USP2: variants seen among roughly 807,000 people sequenced by gnomAD.
The protein encoded by USP2 is ubiquitin specific peptidase 2, also known as ubiquitin carboxyl-terminal hydrolase 2.
Under a neutral mutation model 72.0 loss-of-function variants are expected in USP2, and 33 were observed. The ratio of observed to expected loss-of-function variants is 0.46; its 90% CI spans 0.35 to 0.61. The LOEUF (loss-of-function observed/expected upper bound fraction) is 0.61, where lower values mean the gene tolerates loss of function less well. USP2 is among the 20% of genes least tolerant of loss of function. USP2 has a pLI of 0.01. For synonymous variants in USP2, 296 were observed against 312.5 expected (o/e 0.95, Z 0.56); for missense variants, 691 against 797.8 (o/e 0.87, Z 1.61).
intron 2 of USP2, among the ~76,000 whole-genome samples, chr11:119,370,549 C>T (rs766403022): frequency 1.9e-4 from 29 of 152,184 alleles, no homozygotes; most frequent in Non-Finnish European, 3.8e-4. Flanking sequence ...TGGTCCAGGC[C>T]GCACGAGCAG....
chr11:119,372,651 T>G, intron 2 of USP2, 56 bp downstream of exon 2: 1 of 1,479,602 alleles, frequency 6.8e-7, no homozygotes, highest in Non-Finnish European at 9.0e-7. Context: ...AGCCTGGCTG[T>G]TCTCCATCAG....
intron 2 of USP2, among the ~76,000 whole-genome samples, chr11:119,361,823 T>G (rs1349220330): frequency 1.3e-5 from 2 of 152,020 alleles, no homozygotes; most frequent in Non-Finnish European, 2.9e-5. Context: ...GATATAAGCA[T>G]CCTTAGAGAA....
In USP2 at chr11:119,373,263, T is replaced by C. The variant is rs779194824; in HGVS notation, c.218A>G (p.Asp73Gly). 1 of 1,613,808 alleles carries C rather than the reference T, an allele frequency of 6.2e-7. No individual in the cohort carries two copies. Among genetic ancestry groups the C allele is most frequent in the Non-Finnish European group, 8.5e-7 (1 of 1,179,854 alleles). The part of the protein sequence containing the change: ...PRTYGPSSLL[D>G]YDRGRPLLRP... ...CAGCAGGGGGCGGCCCCGGTCATAGTCCAGGAGGGAGGAGGGGCCATAGGT... is the reference window on the plus strand; with the variant it reads ...CAGCAGGGGGCGGCCCCGGTCATAGCCCAGGAGGGAGGAGGGGCCATAGGT... The change falls in exon 2 of 13, where the codon GAC becomes GGC. Residue 73 changes from aspartate (D) to glycine (G), a missense_variant. Asp to Gly is a moderately conservative substitution (Grantham distance 94). Transcript: ENST00000260187.
In USP2 at chr11:119,357,756, C is replaced by T. The variant is rs755216327; in HGVS notation, c.1501+1G>A. The T allele has an allele frequency of 8.1e-6, 13 of 1,613,556 alleles. No individual in the cohort carries two copies. The highest frequency in any genetic ancestry group is 5.0e-5 in the Admixed American group (3 of 60,002). On this transcript the variant is annotated splice_donor_variant, in intron 10 of 12. Coordinates refer to ENST00000260187, the MANE Select transcript of USP2 (RefSeq NM_004205.5). LOFTEE classifies it high-confidence loss of function. ...CCAGCCCTGATGGATCTTAAGGATACGGAGCACCAAGATCTTTGGGAACCT... is the reference window on the plus strand; with the variant it reads ...CCAGCCCTGATGGATCTTAAGGATATGGAGCACCAAGATCTTTGGGAACCT...
rs1284043653 is a variant in USP2, at chr11:119,356,803, C to A, written c.*32G>T. 3.3e-6 allele frequency: 5 copies of A among 1,529,260 alleles called. No individual in the cohort carries two copies. The highest frequency in any genetic ancestry group is 1.2e-5 in the South Asian group (1 of 81,438). The allele number at this position is 1,529,260 out of a possible 1,614,324, so 94.7% of individuals were successfully genotyped here. On this transcript the variant is annotated 3_prime_UTR_variant, in exon 13 of 13. Transcript: ENST00000260187. ...AAAAATTTAGGGAGCGGGGCCACCACGGGGAAGGGAGAAGGGACGTGGCTC... is the reference window on the plus strand; with the variant it reads ...AAAAATTTAGGGAGCGGGGCCACCAAGGGGAAGGGAGAAGGGACGTGGCTC...
Position 119,357,241 on chromosome 11 carries a change from G to C in USP2, c.1676C>G (p.Thr559Arg), listed in dbSNP as rs1262044091. The change falls in exon 12 of 13, where the codon ACA becomes AGA. Residue 559 changes from threonine to arginine, a missense_variant. Transcript: ENST00000260187. ...HSGTTMGGHYTAYCRSPGTGE... is the reference protein window; with the variant it reads ...HSGTTMGGHYRAYCRSPGTGE... ...TGTCCCTGGACTGCGACAGTAGGCT[G>C]TATAGTGGCCACCCATGGTGGTTCC... is the stretch of plus-strand genomic sequence containing the variant. 1.1e-5 allele frequency: 17 copies of C among 1,613,818 alleles called. No individual in the cohort carries two copies. Among genetic ancestry groups the C allele is most frequent in the Non-Finnish European group, 1.4e-5 (16 of 1,179,984 alleles).
intron 2 of USP2, among the ~76,000 whole-genome samples, chr11:119,368,448 TG>T (rs991225182): frequency 2.0e-5 from 3 of 152,216 alleles, no homozygotes; most frequent in African/African-American, 7.2e-5. Context: ...ATCCGCAATT[TG>T]TTCTCTTTGG....
Position 119,357,207 on chromosome 11 carries a change from C to G in USP2, c.1710G>C (p.Trp570Cys), listed in dbSNP as rs1398456133. ...CTCACCTGGAGTCGTTGAAAGTGTG[C>G]CATTCTCCTGTCCCTGGACTGCGAC... ...AYCRSPGTGE[W>C]HTFNDSSVTP... Residue 570 changes from tryptophan (W) to cysteine (C), a missense_variant, in exon 12 of 13, where the codon TGG (tryptophan) becomes TGC (cysteine). Coordinates refer to ENST00000260187, the MANE Select transcript of USP2 (RefSeq NM_004205.5). 2.5e-6 allele frequency: 4 copies of G among 1,613,658 alleles called. No individual in the cohort carries two copies. The Admixed American group carries it at 6.7e-5, about 27-fold the overall frequency.
rs772200606 is a variant in USP2 at position 119,359,196 on chromosome 11, AC to A, written c.1061+34del. 5.4e-5 allele frequency: 87 copies of A among 1,612,250 alleles called. No individual in the cohort carries two copies. In the Middle Eastern group the frequency reaches 1.2e-3, roughly 21 times the overall value. ...GTCCTAAGAACCTGCTCCTACTGCC[AC>A]CCACCTGAGAGGACATGTCTGCAAG... On this transcript the variant is annotated intron_variant, in intron 5 of 12. Transcript: ENST00000260187.
intron 2 of USP2, among the ~76,000 whole-genome samples, chr11:119,363,422 G>A (rs939983417): frequency 6.6e-6 from 1 of 152,242 alleles, no homozygotes; most frequent in Admixed American, 6.5e-5. Context: ...TTGGTGGACA[G>A]TGAAGGGGAG....
chr11:119,368,469 C>T (rs754045941), intron 2 of USP2, among the ~76,000 whole-genome samples: 4 of 152,214 alleles, frequency 2.6e-5, no homozygotes, highest in East Asian at 1.9e-4. Flanking sequence ...GAGTAACCTC[C>T]GCTCACTGCA....
chr11:119,372,590 T>G (rs1950942809), intron 2 of USP2, 117 bp downstream of exon 2: 2 of 1,090,868 alleles, frequency 1.8e-6, no homozygotes, highest in Non-Finnish European at 2.5e-6. Flanking sequence ...CTTGTTTGTC[T>G]CCACCAGGAG....
chr11:119,359,711 C>G (rs376744317), intron 3 of USP2, 51 bp from the exon 4 acceptor site: 279 of 1,600,318 alleles, frequency 1.7e-4, no homozygotes, highest in Non-Finnish European at 1.8e-4. Flanking sequence ...CCCACCTTCA[C>G]CTGTGTTACT....
Position 119,359,582 on chromosome 11 carries a change from G to T in USP2, c.904C>A (p.Arg302=), listed in dbSNP as rs759815773. ...GCATTGCTGCCGTGGTGCAGGTCCC[G>T]CATGTAGAGCCTCTGGAGGCAGTAA... ...RDYCLQRLYM[R]DLHHGSNAHT... The change falls in exon 4 of 13, where the codon CGG becomes AGG. Residue 302 remains arginine (R), a synonymous_variant. Transcript: ENST00000260187. 3.7e-6 allele frequency: 6 copies of T among 1,613,914 alleles called. No individual in the cohort carries two copies. In the South Asian group the frequency reaches 5.5e-5, roughly 15 times the overall value.
intron 2 of USP2, among the ~76,000 whole-genome samples, chr11:119,365,897 TG>T (rs1393457677): frequency 5.2e-4 from 63 of 122,054 alleles, no homozygotes; most frequent in African/African-American, 9.1e-4. Flanking sequence ...TTATTTGTTT[TG>T]TTTTTTTTTT....
chr11:119,376,647 A>G (rs1951005581), intron 1 of USP2, among the ~76,000 whole-genome samples: 1 of 152,244 alleles, frequency 6.6e-6, no homozygotes, highest in Non-Finnish European at 1.5e-5. Context: ...TGCTTTGCTC[A>G]GTTTCCCTCT....
rs189344548 is a variant in USP2, at chr11:119,378,175, G to A, written c.-42+3298C>T. The stretch of plus-strand genomic sequence containing the variant: ...TGACCTTGAAGGACAAGGTGGGTGA[G>A]AGGGGGCCCTGTATCCTTCCATCTG... On this transcript the variant is annotated intron_variant, in intron 1 of 12. Transcript: ENST00000260187. 3.7e-3 allele frequency among the ~76,000 whole-genome samples: 558 copies of A among 152,188 alleles called. 5 individuals are homozygous for A. Among genetic ancestry groups the A allele is most frequent in the African/African-American group, 0.012 (499 of 41,496 alleles).
At position 119,356,753 on chromosome 11, in the gene USP2, T is replaced by G; in HGVS notation, c.*82A>C. The G allele has an allele frequency of 3.9e-6, 5 of 1,281,120 alleles. No homozygotes were observed. Among genetic ancestry groups the G allele is most frequent in the Middle Eastern group, 2.3e-4 (1 of 4,374 alleles). 79.4% of individuals were successfully genotyped at this position (1,281,120 alleles called of 1,614,324 possible). A position where few individuals can be genotyped will look rare whatever the true frequency, so the allele number is the denominator to read the frequency against. On this transcript the variant is annotated 3_prime_UTR_variant, in exon 13 of 13. Transcript: ENST00000260187. ...CTCTTGTCAGGTTTGTGTGTTGTTG[T>G]TGTTGTTTTGTTTTTGTCTTTTTAA...
intron 1 of USP2, among the ~76,000 whole-genome samples, chr11:119,381,064 C>G (rs1443336333): frequency 6.6e-6 from 1 of 152,142 alleles, no homozygotes; most frequent in Non-Finnish European, 1.5e-5. Flanking sequence ...TCCCCTTCCG[C>G]TTAATTGTTG....
Sources: allele counts gnomAD v4.1 joint callset (sites outside exome capture counted in the v4.1 genomes callset), GRCh38; gene constraint gnomAD v4.1.1; transcripts MANE v1.5; gene names NCBI Gene and HGNC (gene_info 2026-07-23, HGNC 2026-07-21).